Variants in CNTN5 observed in about 807,000 individuals in gnomAD.
CNTN5 encodes the protein contactin-5.
A neutral mutation model predicts 129.1 loss-of-function variants in CNTN5; 77 were observed. That is an observed-to-expected ratio of 0.60 (90% CI 0.50 to 0.72). The LOEUF (loss-of-function observed/expected upper bound fraction) is 0.72. Ranked by LOEUF, CNTN5 falls within the 30% of genes least tolerant of loss-of-function variation. The pLI is 0.00. For synonymous variants in CNTN5, 509 were observed against 465.6 expected, an observed-to-expected ratio of 1.09 and a Z score of -1.20; for missense variants, 1,478 against 1,328.8, an observed-to-expected ratio of 1.11 and a Z score of -1.75.
chr11:99,957,752 T>G (rs796777771), intron 8 of CNTN5, among the ~76,000 whole-genome samples: 1 of 152,128 alleles, frequency 6.6e-6, no homozygotes, highest in Non-Finnish European at 1.5e-5. Flanking sequence ...TTAAGTGCTG[T>G]TTTTTCATAT....
intron 1 of CNTN5, among the ~76,000 whole-genome samples, chr11:99,105,117 G>T (rs951914622): frequency 1.3e-5 from 2 of 152,078 alleles, no homozygotes; most frequent in Non-Finnish European, 2.9e-5. Context: ...AGTTTGAATT[G>T]TGACTCTGCA....
rs75103107 is a variant in CNTN5, at chr11:99,595,551, C to T, written c.55+39282C>T. Among the ~76,000 whole-genome samples, 344 of 151,856 alleles carry T rather than the reference C, an allele frequency of 2.3e-3. 8 individuals are homozygous for T. The East Asian group carries it at 0.051, about 23-fold the overall frequency. On this transcript the variant is annotated intron_variant, in intron 3 of 24. Coordinates refer to ENST00000524871, the MANE Select transcript of CNTN5 (RefSeq NM_014361.4). ...ATAGGTAAAGTGCAATATTAAAAAG[C>T]GATTTGTGGAAAAGCAAAGGTAAAT... is the stretch of plus-strand genomic sequence containing the variant.
At chr11:99,477,263 C>A (rs1251523770) in intron 2 of CNTN5, among the ~76,000 whole-genome samples, 1 of 151,530 alleles carries the variant, frequency 6.6e-6, no homozygotes, top group African/African-American at 2.4e-5. Context: ...AATTTAGTAC[C>A]CCTACATAAG....
intron 3 of CNTN5, among the ~76,000 whole-genome samples, chr11:99,640,834 T>C (rs1951744106): frequency 6.6e-6 from 1 of 152,186 alleles, no homozygotes; most frequent in Non-Finnish European, 1.5e-5. Context: ...GTATCCCCCT[T>C]GTTAAGCAAT....
chr11:99,028,203 A>G (rs1215633484), intron 1 of CNTN5, among the ~76,000 whole-genome samples: 1 of 151,888 alleles, frequency 6.6e-6, no homozygotes, highest in Non-Finnish European at 1.5e-5. Context: ...TTTTAAAAAT[A>G]TATGACTGTG....
At chr11:99,284,655 GTGTGTGGT>G (rs1265580657) in intron 1 of CNTN5, among the ~76,000 whole-genome samples, 1 of 124,958 alleles carries the variant, frequency 8.0e-6, no homozygotes, top group Non-Finnish European at 1.7e-5. Flanking sequence ...GTGTGTGTGT[GTGTGTGGT>G]GTGTGTATGA....
At chr11:99,815,619 T>C (rs1036780291) in intron 3 of CNTN5, among the ~76,000 whole-genome samples, 3 of 152,180 alleles carry the variant, frequency 2.0e-5, no homozygotes, top group Non-Finnish European at 4.4e-5. Flanking sequence ...ATCCCTTATG[T>C]CTGAACTCAC....
intron 2 of CNTN5, among the ~76,000 whole-genome samples, chr11:99,429,789 C>G (rs1943287477): frequency 6.6e-6 from 1 of 152,110 alleles, no homozygotes; most frequent in South Asian, 2.1e-4. Flanking sequence ...TAAGGCATTT[C>G]TCTAAGTGTT....
At chr11:99,450,802 C>T (rs956920995) in intron 2 of CNTN5, among the ~76,000 whole-genome samples, 33 of 127,474 alleles carry the variant, frequency 2.6e-4, no homozygotes, top group African/African-American at 9.5e-4. Context: ...CTCTTCTGCA[C>T]ATGTCTGAAA....
rs184871831 is a variant in CNTN5, at chr11:99,917,682, G to T, written c.673+1533G>T. Among the ~76,000 whole-genome samples the T allele has an allele frequency of 5.9e-5, 9 of 152,170 alleles. No homozygotes were observed. In the South Asian group the frequency reaches 1.9e-3, roughly 32 times the overall value. On this transcript the variant is annotated intron_variant, in intron 7 of 24. Coordinates refer to ENST00000524871, the MANE Select transcript of CNTN5 (RefSeq NM_014361.4). Reference sequence around the variant, plus strand: ...GATCTTTATTTTAAGGCTGGGGAACGTGTATTTTTAAACAAAGTGAAATGG... The same window carrying T: ...GATCTTTATTTTAAGGCTGGGGAACTTGTATTTTTAAACAAAGTGAAATGG...
At chr11:99,054,175 T>C (rs978301223) in intron 1 of CNTN5, among the ~76,000 whole-genome samples, 2 of 151,962 alleles carry the variant, frequency 1.3e-5, no homozygotes, top group African/African-American at 2.4e-5. Flanking sequence ...TCACAACTTA[T>C]TGCTTGTGCA....
intron 3 of CNTN5, among the ~76,000 whole-genome samples, chr11:99,716,064 C>T (rs1000870247): frequency 4.0e-5 from 6 of 151,686 alleles, no homozygotes; most frequent in African/African-American, 4.8e-5. Flanking sequence ...GAAATGTTTT[C>T]GAGATGTGTT....
intron 10 of CNTN5, among the ~76,000 whole-genome samples, chr11:100,068,920 T>C (rs1375755369): frequency 6.6e-6 from 1 of 152,198 alleles, no homozygotes; most frequent in East Asian, 1.9e-4. Flanking sequence ...TTTAACCTCT[T>C]TGAGTCAAAA....
intron 3 of CNTN5, among the ~76,000 whole-genome samples, chr11:99,805,326 G>A (rs1328866569): frequency 6.6e-6 from 1 of 152,130 alleles, no homozygotes; most frequent in Admixed American, 6.6e-5. Flanking sequence ...GAACATCCGG[G>A]TGTTTCACCT....
At chr11:99,898,754 A>G (rs1050673570) in intron 6 of CNTN5, among the ~76,000 whole-genome samples, 9 of 151,362 alleles carry the variant, frequency 5.9e-5, no homozygotes, top group African/African-American at 1.9e-4. Flanking sequence ...ACTACTTTTT[A>G]TCTTTATTCT....
At chr11:99,421,349 A>G (rs541129117) in intron 2 of CNTN5, among the ~76,000 whole-genome samples, 229 of 152,274 alleles carry the variant, frequency 1.5e-3, no homozygotes, top group African/African-American at 5.2e-3. Flanking sequence ...CCAGTGCTCT[A>G]ATTTCACTCT....
At chr11:99,707,073 A>C (rs1954787618) in intron 3 of CNTN5, among the ~76,000 whole-genome samples, 1 of 151,470 alleles carries the variant, frequency 6.6e-6, no homozygotes, top group South Asian at 2.1e-4. Context: ...TCTAAGTGGT[A>C]ATGCACCTGC....
intron 2 of CNTN5, among the ~76,000 whole-genome samples, chr11:99,337,994 A>G (rs1866309936): frequency 6.6e-6 from 1 of 152,172 alleles, no homozygotes; most frequent in Admixed American, 6.5e-5. Context: ...TATATGCCAT[A>G]TTACATGCTT....
chr11:100,217,372 C>T (rs1407460785), intron 15 of CNTN5, among the ~76,000 whole-genome samples: 1 of 152,148 alleles, frequency 6.6e-6, no homozygotes, highest in Non-Finnish European at 1.5e-5. Context: ...AAAAGTGTCA[C>T]ATATTTGTGA....
Sources: gnomAD v4.1 joint callset for allele counts (sites outside exome capture counted in the v4.1 genomes callset) on GRCh38, gnomAD v4.1.1 for gene constraint, MANE v1.5 for transcripts, NCBI Gene and HGNC (gene_info 2026-07-23, HGNC 2026-07-21) for gene names.